The following IL23R variants were observed in gnomAD, a reference collection of about 807,000 sequenced individuals.
IL23R encodes the protein interleukin-23 receptor.
Under a neutral mutation model 56.9 loss-of-function variants are expected in IL23R, and 34 were observed. The observed-to-expected ratio is 0.60, with a 90% CI of 0.45 to 0.80. The LOEUF (loss-of-function observed/expected upper bound fraction) is 0.80, where lower values mean the gene tolerates loss of function less well. Ranked by LOEUF, IL23R falls within the 30% of genes least tolerant of loss-of-function variation. The pLI, the probability that IL23R is intolerant of heterozygous loss-of-function variation, is 0.00. For synonymous variants in IL23R, 230 were observed against 249.2 expected (o/e 0.92, Z 0.73); for missense variants, 635 against 730.0 (o/e 0.87, Z 1.50).
chr1:67,165,245 CA>C (rs1646861906), upstream of IL23R, among the ~76,000 whole-genome samples: 1 of 152,016 alleles, frequency 6.6e-6, no homozygotes, highest in Non-Finnish European at 1.5e-5. Context: ...AACCAAAAAA[CA>C]AAACTACAAT....
At chr1:67,221,446 C>T (rs1173588866) in intron 7 of IL23R, among the ~76,000 whole-genome samples, 2 of 152,174 alleles carry the variant, frequency 1.3e-5, no homozygotes, top group African/African-American at 4.8e-5. Context: ...CTCTTCTCCT[C>T]AACAGGATTT....
intron 9 of IL23R, among the ~76,000 whole-genome samples, chr1:67,254,228 C>G (rs1008193): frequency 0.21 from 31,740 of 151,842 alleles, 3,707 homozygotes; most frequent in Non-Finnish European, 0.27. Flanking sequence ...ACCACCATTT[C>G]CAACTAATTT....
chr1:67,259,963 T>TG lies in IL23R; in HGVS notation c.*837dup, dbSNP rs1248895042. ...TGGGCAACAAGAGCAAAACTCTGTC[T>TG]GGAAAAAAAAAAAAAAAAAAAAAAA... On this transcript the variant is annotated 3_prime_UTR_variant, in exon 11 of 11. Coordinates refer to ENST00000347310, the MANE Select transcript of IL23R (RefSeq NM_144701.3). 4.7e-5 allele frequency: 2 copies of TG among 42,200 alleles called. No homozygotes were observed. Among genetic ancestry groups the TG allele is most frequent in the South Asian group, 8.7e-4 (1 of 1,148 alleles). The allele number at this position is 42,200 out of a possible 1,614,324, so 2.6% of individuals were successfully genotyped here.
intron 1 of IL23R, among the ~76,000 whole-genome samples, chr1:67,159,572 T>C (rs1490290960): frequency 6.6e-6 from 1 of 152,172 alleles, no homozygotes; most frequent in Admixed American, 6.5e-5. Context: ...TACAAGTATA[T>C]AAGTCAGGAC....
intron 1 of IL23R, among the ~76,000 whole-genome samples, chr1:67,148,829 C>A (rs992386038): frequency 2.0e-5 from 3 of 152,126 alleles, no homozygotes; most frequent in African/African-American, 7.2e-5. Context: ...AGTGTTAGAA[C>A]GGCTCTGAAC....
chr1:67,196,357 A>G (rs1648154098), intron 4 of IL23R: 1 of 152,108 alleles, frequency 6.6e-6, no homozygotes, highest in Non-Finnish European at 1.5e-5. Context: ...GCGAGGCTGC[A>G]TCTCTTAAAA....
At chr1:67,250,751 A>C (rs922943940) in intron 9 of IL23R, among the ~76,000 whole-genome samples, 52 of 152,232 alleles carry the variant, frequency 3.4e-4, no homozygotes, top group African/African-American at 1.2e-3. Context: ...TCACACACAC[A>C]ACACATATAT....
At chr1:67,144,400 G>C (rs977849020) in intron 1 of IL23R, among the ~76,000 whole-genome samples, 7 of 152,130 alleles carry the variant, frequency 4.6e-5, no homozygotes, top group Non-Finnish European at 1.0e-4. Flanking sequence ...GAGAAGAGTT[G>C]TTTTCCTAAT....
At chr1:67,202,868 A>T (rs1004822) in intron 5 of IL23R, among the ~76,000 whole-genome samples, 56,389 of 151,982 alleles carry the variant, frequency 0.37, 10,635 homozygotes, top group Admixed American at 0.47. Context: ...AGCCACCATG[A>T]CCGGCCTGAA....
intron 4 of IL23R, among the ~76,000 whole-genome samples, chr1:67,196,400 C>G (rs889494592): frequency 1.3e-5 from 2 of 152,054 alleles, no homozygotes; most frequent in South Asian, 2.1e-4. Context: ...ATTAGTTAGG[C>G]CTGGTGGCAC....
chr1:67,242,343 G>T (rs1262689259), intron 9 of IL23R, among the ~76,000 whole-genome samples: 1 of 152,142 alleles, frequency 6.6e-6, no homozygotes, highest in Non-Finnish European at 1.5e-5. Context: ...AAGGCTGGCT[G>T]CAAAATCCTT....
At chr1:67,182,758 C>G in intron 3 of IL23R, 78 bp from the exon 4 acceptor site, 2 of 1,517,714 alleles carry the variant, frequency 1.3e-6, no homozygotes, top group Non-Finnish European at 1.8e-6. Context: ...GGAGCTGTTC[C>G]TATTCAGCCA....
chr1:67,211,626 G>GAA (rs80202587), intron 6 of IL23R, among the ~76,000 whole-genome samples: 8 of 137,334 alleles, frequency 5.8e-5, no homozygotes, highest in South Asian at 2.3e-4. Context: ...GTCTCCAGAG[G>GAA]AAAAAAAAAA....
At chr1:67,152,233 G>A (rs1197012364) in intron 1 of IL23R, among the ~76,000 whole-genome samples, 2 of 152,110 alleles carry the variant, frequency 1.3e-5, no homozygotes, top group Non-Finnish European at 2.9e-5. Context: ...ATTTGTGAAT[G>A]GGACTTCATT....
At chr1:67,222,760 A>G (rs939897944) in intron 7 of IL23R, among the ~76,000 whole-genome samples, 1 of 152,202 alleles carries the variant, frequency 6.6e-6, no homozygotes, top group Non-Finnish European at 1.5e-5. Flanking sequence ...CACCTAAACT[A>G]TAACAAAACT....
chr1:67,248,960 A>T (rs1392772074), intron 9 of IL23R, among the ~76,000 whole-genome samples: 1 of 150,978 alleles, frequency 6.6e-6, no homozygotes, highest in African/African-American at 2.4e-5. Flanking sequence ...ACGATGCCCC[A>T]CCCTGCTTCA....
At chr1:67,241,586 G>A (rs1247147074) in intron 9 of IL23R, among the ~76,000 whole-genome samples, 2 of 152,174 alleles carry the variant, frequency 1.3e-5, no homozygotes, top group Admixed American at 6.5e-5. Context: ...ATCATTTTGG[G>A]TTTCTGTTCT....
intron 3 of IL23R, among the ~76,000 whole-genome samples, chr1:67,172,641 A>C (rs1280317457): frequency 2.0e-5 from 3 of 152,250 alleles, no homozygotes; most frequent in Non-Finnish European, 4.4e-5. Flanking sequence ...TCATTTGTTT[A>C]AAATTTTAAA....
chr1:67,144,788 C>T (rs1646665799), intron 1 of IL23R, among the ~76,000 whole-genome samples: 1 of 152,128 alleles, frequency 6.6e-6, no homozygotes, highest in South Asian at 2.1e-4. Context: ...TATTCTCTTT[C>T]CCTACATAAT....
Sources: allele counts gnomAD v4.1 joint callset (sites outside exome capture counted in the v4.1 genomes callset), GRCh38; gene constraint gnomAD v4.1.1; transcripts MANE v1.5; gene names NCBI Gene and HGNC (gene_info 2026-07-23, HGNC 2026-07-21).